The following SYNPR variants were observed in gnomAD, a reference collection of about 807,000 sequenced individuals.
SYNPR encodes the protein synaptoporin.
SYNPR carries 23 observed loss-of-function variants against 32.9 expected under a neutral mutation model. The observed-to-expected ratio is 0.70, with a 90% CI of 0.50 to 0.99. The LOEUF is 0.99. Ranked by LOEUF, SYNPR falls within the 50% of genes least tolerant of loss-of-function variation. SYNPR has a pLI of 0.00. For synonymous variants in SYNPR, 146 were observed against 135.9 expected (o/e 1.07, Z -0.52); for missense variants, 318 against 349.3 (o/e 0.91, Z 0.71).
At chr3:63,314,980 T>G (rs1192302132) in intron 2 of SYNPR, among the ~76,000 whole-genome samples, 1 of 152,088 alleles carries the variant, frequency 6.6e-6, no homozygotes, top group Non-Finnish European at 1.5e-5. Flanking sequence ...GCACCATTTG[T>G]TGAAAAGGGT....
In SYNPR at chr3:63,615,629, C is replaced by G. The variant is rs1575738826; in HGVS notation, c.*148C>G. Reference sequence around the variant, plus strand: ...CTAGTCTTCATTAAGGCAGCAAGTCCTGGGTTGTGAAAAATGATACTTAGA... The same window carrying G: ...CTAGTCTTCATTAAGGCAGCAAGTCGTGGGTTGTGAAAAATGATACTTAGA... On this transcript the variant is annotated 3_prime_UTR_variant, in exon 6 of 6. Coordinates refer to ENST00000478300, the MANE Select transcript of SYNPR (RefSeq NM_001130003.2). 1 of 1,105,398 alleles carries G rather than the reference C, an allele frequency of 9.0e-7. No individual in the cohort carries two copies. Among genetic ancestry groups the G allele is most frequent in the East Asian group, 2.6e-5 (1 of 38,112 alleles). The allele number at this position is 1,105,398 out of a possible 1,614,324, so 68.5% of individuals were successfully genotyped here.
chr3:63,381,567 T>A (rs1320415506), intron 2 of SYNPR, among the ~76,000 whole-genome samples: 1 of 152,236 alleles, frequency 6.6e-6, no homozygotes, highest in African/African-American at 2.4e-5. Flanking sequence ...AAAGATTCTT[T>A]TACTTTCAAC....
At chr3:63,574,077 G>C (rs1404930162) in intron 4 of SYNPR, among the ~76,000 whole-genome samples, 1 of 152,026 alleles carries the variant, frequency 6.6e-6, no homozygotes, top group East Asian at 1.9e-4. Flanking sequence ...ACATTTACAG[G>C]CACCTGGTAT....
chr3:63,393,815 G>A (rs550559519), intron 2 of SYNPR, among the ~76,000 whole-genome samples: 3 of 152,082 alleles, frequency 2.0e-5, no homozygotes, highest in Non-Finnish European at 4.4e-5. Flanking sequence ...CTTGTTTCTC[G>A]ATATTGTTAT....
intron 2 of SYNPR, among the ~76,000 whole-genome samples, chr3:63,281,893 A>G (rs2086633414): frequency 1.3e-5 from 2 of 152,212 alleles, no homozygotes; most frequent in East Asian, 3.9e-4. Flanking sequence ...CATCAAAAAG[A>G]ATGAATTAGC....
intron 2 of SYNPR, among the ~76,000 whole-genome samples, chr3:63,450,794 G>A (rs1162671361): frequency 6.6e-6 from 1 of 152,166 alleles, no homozygotes; most frequent in Non-Finnish European, 1.5e-5. Context: ...GCAGGGCTTT[G>A]CCAGGAGATG....
intron 4 of SYNPR, among the ~76,000 whole-genome samples, chr3:63,595,757 A>ATAGT (rs1553650673): frequency 9.7e-5 from 3 of 31,014 alleles, no homozygotes; most frequent in African/African-American, 6.7e-4. Context: ...ATATATATAT[A>ATAGT]TATATATATA....
chr3:63,549,582 C>T (rs925804145), intron 3 of SYNPR, among the ~76,000 whole-genome samples: 4 of 152,092 alleles, frequency 2.6e-5, no homozygotes, highest in Non-Finnish European at 5.9e-5. Context: ...AAATGAGATA[C>T]AAGTAGGTAA....
chr3:63,482,253 G>GCA (rs1034702502), intron 3 of SYNPR, among the ~76,000 whole-genome samples: 27 of 152,104 alleles, frequency 1.8e-4, no homozygotes, highest in African/African-American at 5.8e-4. Flanking sequence ...CCAGTGAAAG[G>GCA]CAACTAGAGA....
At chr3:63,346,590 G>A (rs1224710998) in intron 2 of SYNPR, among the ~76,000 whole-genome samples, 1 of 152,050 alleles carries the variant, frequency 6.6e-6, no homozygotes, top group African/African-American at 2.4e-5. Flanking sequence ...TTCTGCCGCA[G>A]CCTCCTGAGT....
At chr3:63,205,410 C>A in the SYNPR span, among the ~76,000 whole-genome samples, 2 of 152,192 alleles carry the variant, frequency 1.3e-5, no homozygotes, top group Non-Finnish European at 2.9e-5. Context: ...CCAATTCTAC[C>A]TTTTCATGTA....
intron 2 of SYNPR, among the ~76,000 whole-genome samples, chr3:63,470,107 C>A (rs2060759): frequency 6.6e-6 from 1 of 151,998 alleles, no homozygotes; most frequent in Non-Finnish European, 1.5e-5. Flanking sequence ...ACTCTAACTT[C>A]TACTCCTTAG....
chr3:63,308,016 A>C (rs545667153), intron 2 of SYNPR, among the ~76,000 whole-genome samples: 10 of 152,176 alleles, frequency 6.6e-5, no homozygotes, highest in African/African-American at 1.4e-4. Flanking sequence ...GAGAAAAGGA[A>C]GATAATCTTC....
At chr3:63,267,934 C>T (rs1026809223) in intron 3 of SYNPR, among the ~76,000 whole-genome samples, 2 of 152,044 alleles carry the variant, frequency 1.3e-5, no homozygotes, top group African/African-American at 4.8e-5. Context: ...AAAAAAGCAA[C>T]TTGTTCAGTA....
chr3:63,341,783 C>T (rs1307818020), intron 2 of SYNPR, among the ~76,000 whole-genome samples: 3 of 152,164 alleles, frequency 2.0e-5, no homozygotes, highest in African/African-American at 7.2e-5. Flanking sequence ...TTTTCTCCCA[C>T]TTCATGGCTT....
chr3:63,208,704 C>G, the SYNPR span, among the ~76,000 whole-genome samples: 1 of 152,178 alleles, frequency 6.6e-6, no homozygotes, highest in Non-Finnish European at 1.5e-5. Context: ...CTCTGTTTCT[C>G]TCTTGGGGGA....
intron 4 of SYNPR, among the ~76,000 whole-genome samples, chr3:63,567,824 C>A (rs1559538850): frequency 6.6e-6 from 1 of 152,194 alleles, no homozygotes; most frequent in Admixed American, 6.5e-5. Context: ...GTGATCGCAC[C>A]TTTGTTCCAC....
Position 63,408,202 on chromosome 3 carries a change from A to AAAG in SYNPR, c.85-72629_85-72628insAGA, listed in dbSNP as rs1560220886. Among the ~76,000 whole-genome samples, 508 of 52,084 alleles carry AAAG rather than the reference A, an allele frequency of 9.8e-3. 44 individuals are homozygous for AAAG. Among genetic ancestry groups the AAAG allele is most frequent in the Non-Finnish European group, 0.011 (334 of 30,134 alleles). 34.2% of individuals were successfully genotyped at this position (52,084 alleles called of 152,430 possible). The stretch of plus-strand genomic sequence containing the variant: ...AGAAAGAAAGAAAGAAAGAGGAAGG[A>AAAG]AGGAAGGAAGGAAGGAAGGAAGGAA... On this transcript the variant is annotated intron_variant, in intron 2 of 5. Transcript: ENST00000478300.
chr3:63,202,264 C>G, the SYNPR span, among the ~76,000 whole-genome samples: 1 of 152,182 alleles, frequency 6.6e-6, no homozygotes, highest in Non-Finnish European at 1.5e-5. Context: ...TGATAATGAC[C>G]AACATTTTGA....
Sources: allele counts gnomAD v4.1 joint callset (sites outside exome capture counted in the v4.1 genomes callset), GRCh38; gene constraint gnomAD v4.1.1; transcripts MANE v1.5; gene names NCBI Gene and HGNC (gene_info 2026-07-23, HGNC 2026-07-21).